ITGAE: variants seen among roughly 807,000 people sequenced by gnomAD.
ITGAE encodes the protein integrin subunit alpha E.
Under a neutral mutation model 136.5 loss-of-function variants are expected in ITGAE, and 99 were observed. The observed-to-expected ratio is 0.73, with a 90% CI of 0.62 to 0.86. The LOEUF (loss-of-function observed/expected upper bound fraction) is 0.86, where lower values mean the gene tolerates loss of function less well. ITGAE is among the 40% of genes least tolerant of loss of function. ITGAE has a pLI of 0.00. For synonymous variants in ITGAE, 613 were observed against 591.8 expected (o/e 1.04, Z -0.52); for missense variants, 1,447 against 1,515.3 (o/e 0.95, Z 0.75).
At chr17:3,740,498 TC>T (rs1206940762) in intron 19 of ITGAE, among the ~76,000 whole-genome samples, 12 of 152,222 alleles carry the variant, frequency 7.9e-5, no homozygotes, top group Admixed American at 2.6e-4. Context: ...TGCCTCAGCC[TC>T]CCAAGTAGCT....
Position 3,739,836 on chromosome 17 carries a change from C to G in ITGAE, c.2491G>C (p.Ala831Pro), listed in dbSNP as rs369593910. The G allele has an allele frequency of 2.5e-6, 4 of 1,614,136 alleles. No homozygotes were observed. The highest frequency in any genetic ancestry group is 3.4e-6 in the Non-Finnish European group (4 of 1,179,984). Residue 831 changes from alanine (A) to proline (P), a missense_variant, in exon 20 of 31, where the codon GCA becomes CCA. By Grantham distance (27) the Ala-to-Pro change is conservative. This residue lies in a region of ITGAE where 1,031 missense variants were observed against 1,011.4 expected (regional missense o/e 1.02). Transcript: ENST00000263087. The stretch of plus-strand genomic sequence containing the variant: ...ACGGTGGTGGCCAACTGTAATTCTG[C>G]GACACAAAACAGCTTATTCTTGCAG... ...KACKNKLFCV[A>P]ELQLATTVSQ...
At chr17:3,761,768 A>C (rs1416499410) in intron 4 of ITGAE, 147 bp downstream of exon 4, 2 of 739,104 alleles carry the variant, frequency 2.7e-6, no homozygotes, top group Admixed American at 5.1e-5. Flanking sequence ...TCAGAGCTAC[A>C]GTCAGCCCTG....
Position 3,745,928 on chromosome 17 carries a change from C to G in ITGAE, c.2156-1G>C. 6.2e-7 allele frequency: 1 copy of G among 1,613,018 alleles called. No homozygotes were observed. Among genetic ancestry groups the G allele is most frequent in the South Asian group, 1.1e-5 (1 of 90,974 alleles). ...AAGTTGAGAAGTGCCTCGCGGAGGC[C>G]TGGGAATGAAGACCAGACCTTCCCG... On this transcript the variant is annotated splice_acceptor_variant, in intron 17 of 30. Transcript: ENST00000263087. LOFTEE classifies it high-confidence loss of function.
At chr17:3,795,826 CCTGTGTGTGCAT>C (rs2053054731) in intron 1 of ITGAE, among the ~76,000 whole-genome samples, 1 of 139,376 alleles carries the variant, frequency 7.2e-6, no homozygotes, top group African/African-American at 2.7e-5. Context: ...CGTGTGCATC[CCTGTGTGTGCAT>C]GTGTGCATCT....
intron 16 of ITGAE, among the ~76,000 whole-genome samples, chr17:3,749,647 C>T (rs534484325): frequency 1.4e-4 from 21 of 152,156 alleles, no homozygotes; most frequent in African/African-American, 5.1e-4. Flanking sequence ...TTGGAGAGGA[C>T]GGGACAGACG....
At chr17:3,715,836 T>C (rs2050931841) in intron 30 of ITGAE, among the ~76,000 whole-genome samples, 2 of 151,982 alleles carry the variant, frequency 1.3e-5, no homozygotes, top group Admixed American at 1.3e-4. Flanking sequence ...GAGCTCCAGC[T>C]TGGGGGACAA....
chr17:3,725,100 A>G (rs2143008363), intron 26 of ITGAE: 1 of 1,614,214 alleles, frequency 6.2e-7, no homozygotes, highest in Non-Finnish European at 8.5e-7. Context: ...GGCTTCCTTC[A>G]GTTTCCACAA....
chr17:3,740,424 T>C (rs2051557123), intron 19 of ITGAE, among the ~76,000 whole-genome samples: 1 of 152,228 alleles, frequency 6.6e-6, no homozygotes, highest in Non-Finnish European at 1.5e-5. Flanking sequence ...TCATCCAGGC[T>C]GGAGTGCAAT....
intron 1 of ITGAE, among the ~76,000 whole-genome samples, chr17:3,797,187 A>G (rs1234062066): frequency 1.7e-5 from 2 of 117,838 alleles, no homozygotes; most frequent in Non-Finnish European, 3.3e-5. Context: ...TTTTTTTGAG[A>G]CGGAGTCTCG....
chr17:3,759,703 G>C, intron 7 of ITGAE, 150 bp from the exon 8 acceptor site: 1 of 881,052 alleles, frequency 1.1e-6, no homozygotes, highest in Non-Finnish European at 1.7e-6. Flanking sequence ...ATCTCTAAGC[G>C]AGTAGGGGTG....
rs1169331197 is a variant in ITGAE at position 3,774,834 on chromosome 17, C to T, written c.155+2706G>A. Among the ~76,000 whole-genome samples, 68 of 152,088 alleles carry T rather than the reference C, an allele frequency of 4.5e-4. 2 individuals are homozygous for T. The highest frequency in any genetic ancestry group is 4.5e-3 in the Admixed American group (68 of 15,248). ...GTGACACATGGGAAATTCAAATGAG[C>T]CTCGGATCTCATGACCCTTTCCACC... is the stretch of plus-strand genomic sequence containing the variant. On this transcript the variant is annotated intron_variant, in intron 2 of 30. Transcript: ENST00000263087.
intron 1 of ITGAE, among the ~76,000 whole-genome samples, chr17:3,794,311 G>T (rs2053011729): frequency 1.3e-5 from 2 of 151,924 alleles, no homozygotes; most frequent in African/African-American, 4.8e-5. Flanking sequence ...TAGAGATGGG[G>T]GTCTTGCTAT....
chr17:3,720,869 T>C (rs1374101266), intron 28 of ITGAE, among the ~76,000 whole-genome samples: 1 of 150,134 alleles, frequency 6.7e-6, no homozygotes, highest in Non-Finnish European at 1.5e-5. Context: ...AGGCGTGAGC[T>C]GCCGCGCCTG....
rs772373397 is a variant in ITGAE at position 3,750,436 on chromosome 17, A to C, written c.1940T>G (p.Met647Arg). 2 of 1,614,224 alleles carry C rather than the reference A, an allele frequency of 1.2e-6. No individual in the cohort carries two copies. Among genetic ancestry groups the C allele is most frequent in the Non-Finnish European group, 1.7e-6 (2 of 1,180,040 alleles). Residue 647 changes from methionine (M) to arginine (R), a missense_variant, in exon 16 of 31, where the codon ATG becomes AGG. Around this residue, in one of 3 missense-constraint regions of ITGAE, gnomAD observed 1,031 missense variants for 1,011.4 expected, o/e 1.02. Coordinates refer to ENST00000263087, the MANE Select transcript of ITGAE (RefSeq NM_002208.5). ...TVAPGLQYFG[M>R]SMAGGFDISG... The stretch of plus-strand genomic sequence containing the variant: ...AATATCAAAGCCACCAGCCATGGAC[A>C]TGCCGAAGTACTGGAGTCCTGGGGC...
chr17:3,773,683 T>TG (rs953799843), intron 2 of ITGAE, among the ~76,000 whole-genome samples: 3 of 152,004 alleles, frequency 2.0e-5, no homozygotes, highest in Admixed American at 1.3e-4. Context: ...CCTCATTACA[T>TG]AGGCATGACT....
intron 10 of ITGAE, among the ~76,000 whole-genome samples, 164 bp downstream of exon 10, chr17:3,756,820 G>A (rs560391342): frequency 3.9e-5 from 6 of 152,242 alleles, no homozygotes; most frequent in Non-Finnish European, 8.8e-5. Flanking sequence ...TGGGATAACA[G>A]GCATGAGCCA....
intron 14 of ITGAE, 39 bp downstream of exon 14, chr17:3,753,251 A>G: frequency 1.3e-6 from 2 of 1,597,830 alleles, no homozygotes; most frequent in Non-Finnish European, 1.7e-6. Flanking sequence ...GCTGAGTGCC[A>G]CAGCCTCAGC....
chr17:3,723,626 C>A lies in ITGAE; in HGVS notation c.3141+62G>T, dbSNP rs1423660152. ...TAACCCAGGAAAAACAGTCTCCTGGCCTCTCGTTACCCGCTTCAGGCCCTC... is the reference window on the plus strand; with the variant it reads ...TAACCCAGGAAAAACAGTCTCCTGGACTCTCGTTACCCGCTTCAGGCCCTC... On this transcript the variant is annotated intron_variant, in intron 27 of 30. Coordinates refer to ENST00000263087, the MANE Select transcript of ITGAE (RefSeq NM_002208.5). 6.8e-6 allele frequency: 10 copies of A among 1,463,652 alleles called. No individual in the cohort carries two copies. In the South Asian group the frequency reaches 1.0e-4, roughly 15 times the overall value. 90.7% of individuals were successfully genotyped at this position (1,463,652 alleles called of 1,614,324 possible).
rs1313362311 is a variant in ITGAE at position 3,732,386 on chromosome 17, G to A, written c.2736C>T (p.Pro912=). The A allele has an allele frequency of 5.0e-6, 8 of 1,613,780 alleles. No homozygotes were observed. The African/African-American group carries it at 6.7e-5, about 13-fold the overall frequency. The change falls in exon 22 of 31, where the codon CCC becomes CCT. Residue 912 remains proline (P), a synonymous_variant. Coordinates refer to ENST00000263087, the MANE Select transcript of ITGAE (RefSeq NM_002208.5). ...VLIMNCRIGH[P]VLKRSSAHVS... ...GACTCACAGATGACCTCTTGAGGAC[G>A]GGGTGACCAATCCTGCAGTTCATGA...
Sources: allele counts gnomAD v4.1 joint callset (sites outside exome capture counted in the v4.1 genomes callset), GRCh38; gene constraint gnomAD v4.1.1; regional missense constraint gnomAD v4.1.1; transcripts MANE v1.5; gene names NCBI Gene and HGNC (gene_info 2026-07-23, HGNC 2026-07-21).